Variants in FSIP1 observed in about 807,000 individuals in gnomAD.
FSIP1 encodes fibrous sheath interacting protein 1.
Under a neutral mutation model 60.9 loss-of-function variants are expected in FSIP1, and 65 were observed. The ratio of observed to expected loss-of-function variants is 1.07; its 90% CI spans 0.87 to 1.31. The LOEUF (loss-of-function observed/expected upper bound fraction) is 1.31. Among genes scored for constraint, FSIP1 ranks in the 40% most tolerant of loss-of-function variants. FSIP1 has a pLI of 0.00. For synonymous variants in FSIP1, 209 were observed against 221.2 expected (o/e 0.94, Z 0.49); for missense variants, 675 against 665.5 (o/e 1.01, Z -0.16).
In FSIP1 at chr15:39,733,640, C is replaced by T. The variant is rs114431299; in HGVS notation, c.891+4451G>A. ...GCAACATACTGAACAAATGGCTACG[C>T]GATACAGCTTGGCCGCTGAGATGCA... On this transcript the variant is annotated intron_variant, in intron 8 of 11. Coordinates refer to ENST00000350221, the MANE Select transcript of FSIP1 (RefSeq NM_152597.5). Among the ~76,000 whole-genome samples the T allele has an allele frequency of 5.8e-3, 890 of 152,244 alleles. 5 individuals carry two copies. Among genetic ancestry groups the T allele is most frequent in the South Asian group, 0.023 (112 of 4,820 alleles).
At chr15:39,765,481 C>T in intron 4 of FSIP1, 111 bp downstream of exon 4, 1 of 714,550 alleles carries the variant, frequency 1.4e-6, no homozygotes, top group Non-Finnish European at 2.2e-6. Flanking sequence ...TGGCCTCAAG[C>T]AATCCTCCTG....
chr15:39,659,402 C>T (rs955598223), intron 10 of FSIP1, among the ~76,000 whole-genome samples: 7 of 151,946 alleles, frequency 4.6e-5, no homozygotes, highest in Non-Finnish European at 1.0e-4. Context: ...ATTAGCCAGG[C>T]GTGGTGGCGG....
intron 9 of FSIP1, among the ~76,000 whole-genome samples, chr15:39,718,073 G>A (rs1895811351): frequency 1.3e-5 from 2 of 151,538 alleles, no homozygotes; most frequent in Non-Finnish European, 2.9e-5. Context: ...CCCCATCCAC[G>A]GTGGCTAGTC....
intron 10 of FSIP1, among the ~76,000 whole-genome samples, chr15:39,653,188 A>C (rs988928959): frequency 6.6e-6 from 1 of 151,430 alleles, no homozygotes; most frequent in South Asian, 2.1e-4. Flanking sequence ...AAAAAAAAAA[A>C]AAAACCCAAA....
intron 9 of FSIP1, among the ~76,000 whole-genome samples, chr15:39,716,812 C>CTT (rs72106293): frequency 0.012 from 1,282 of 110,122 alleles, 57 homozygotes; most frequent in African/African-American, 0.022. Context: ...CAGGCCATGT[C>CTT]TTTTTTTTTT....
chr15:39,609,605 T>C (rs892669031), intron 11 of FSIP1, among the ~76,000 whole-genome samples: 1 of 152,176 alleles, frequency 6.6e-6, no homozygotes, highest in Non-Finnish European at 1.5e-5. Context: ...CCTGCATCCA[T>C]GTGTTTCTCT....
chr15:39,698,855 C>T (rs1421531024), intron 10 of FSIP1, among the ~76,000 whole-genome samples: 1 of 152,196 alleles, frequency 6.6e-6, no homozygotes, highest in Non-Finnish European at 1.5e-5. Context: ...CCTACTGTAT[C>T]AGTTAGGATT....
At chr15:39,678,003 A>G (rs1207681677) in intron 10 of FSIP1, among the ~76,000 whole-genome samples, 2 of 152,136 alleles carry the variant, frequency 1.3e-5, no homozygotes, top group African/African-American at 2.4e-5. Flanking sequence ...TCAAAAAAAA[A>G]AAAAAGTCTG....
chr15:39,747,129 T>C (rs1000598677), intron 5 of FSIP1, among the ~76,000 whole-genome samples: 12 of 151,656 alleles, frequency 7.9e-5, no homozygotes, highest in Non-Finnish European at 1.3e-4. Context: ...TCTTTTCCTT[T>C]CTCCTTTATA....
chr15:39,695,953 G>GTA (rs1203329259), intron 10 of FSIP1, among the ~76,000 whole-genome samples: 1 of 152,216 alleles, frequency 6.6e-6, no homozygotes, highest in African/African-American at 2.4e-5. Context: ...AACTTCAAAG[G>GTA]TAGTAGCAGG....
chr15:39,737,278 T>C (rs1368323776), intron 8 of FSIP1, among the ~76,000 whole-genome samples: 1 of 152,096 alleles, frequency 6.6e-6, no homozygotes, highest in Admixed American at 6.5e-5. Flanking sequence ...CCCCATTACA[T>C]GCTGTTCCCC....
At chr15:39,724,597 C>A (rs1896118208) in intron 9 of FSIP1, among the ~76,000 whole-genome samples, 1 of 152,206 alleles carries the variant, frequency 6.6e-6, no homozygotes, top group South Asian at 2.1e-4. Context: ...AAACAAATCT[C>A]TGAATTCTCT....
intron 10 of FSIP1, among the ~76,000 whole-genome samples, chr15:39,692,603 G>C (rs2140507154): frequency 6.6e-6 from 1 of 152,256 alleles, no homozygotes; most frequent in South Asian, 2.1e-4. Context: ...TCAATTTAAG[G>C]ACCAGTTACA....
At chr15:39,726,805 C>A (rs1896217240) in intron 8 of FSIP1, 58 bp from the exon 9 acceptor site, 1 of 1,450,350 alleles carries the variant, frequency 6.9e-7, no homozygotes, top group Non-Finnish European at 9.5e-7. Context: ...CCAAAATATA[C>A]CTTTCAAGTG....
intron 10 of FSIP1, among the ~76,000 whole-genome samples, chr15:39,675,873 A>G (rs564419785): frequency 7.4e-4 from 112 of 152,152 alleles, no homozygotes; most frequent in African/African-American, 2.6e-3. Flanking sequence ...CTCATTATTT[A>G]TTAGGAATAG....
chr15:39,726,873 A>ACACACACACC, intron 8 of FSIP1, 126 bp from the exon 9 acceptor site: 1 of 568,668 alleles, frequency 1.8e-6, no homozygotes, highest in Non-Finnish European at 2.9e-6. Context: ...ACACACACAC[A>ACACACACACC]ACACACACAA....
rs1555399069 is a variant in FSIP1 at position 39,763,860 on chromosome 15, T to G, written c.520A>C (p.Lys174Gln). Residue 174 changes from lysine to glutamine, a missense_variant, in exon 5 of 12, where the codon AAA becomes CAA. Physicochemically the swap from Lys to Gln is moderately conservative, Grantham distance 53. Transcript: ENST00000350221. ...GAAACAGCAGTCAAAGATAAAAATT[T>G]TTTTGTATTTTCCATCTCCTCTTTA... ...QSKEEMENTK[K>Q]FLSLTAVSEE... The G allele has an allele frequency of 6.2e-7, 1 of 1,601,330 alleles. No individual in the cohort carries two copies. The highest frequency in any genetic ancestry group is 1.1e-5 in the South Asian group (1 of 90,586).
chr15:39,742,300 G>A (rs893558199), intron 5 of FSIP1, among the ~76,000 whole-genome samples: 1 of 152,134 alleles, frequency 6.6e-6, no homozygotes, highest in African/African-American at 2.4e-5. Flanking sequence ...CCCCAAGGTG[G>A]AGACTTCAAA....
Position 39,772,612 on chromosome 15 carries a change from G to T in FSIP1, c.127-2002C>A, listed in dbSNP as rs561910791. 2.7e-5 allele frequency among the ~76,000 whole-genome samples: 4 copies of T among 145,734 alleles called. No homozygotes were observed. In the East Asian group the frequency reaches 6.1e-4, roughly 22 times the overall value. On this transcript the variant is annotated intron_variant, in intron 2 of 11. Coordinates refer to ENST00000350221, the MANE Select transcript of FSIP1 (RefSeq NM_152597.5). ...GCCCAGCCTATTTTTATTTTTTGAG[G>T]TGGTGTCTCACTCTGTCGCTCAGGC...
Sources: allele counts gnomAD v4.1 joint callset (sites outside exome capture counted in the v4.1 genomes callset), GRCh38; gene constraint gnomAD v4.1.1; transcripts MANE v1.5; gene names NCBI Gene and HGNC (gene_info 2026-07-23, HGNC 2026-07-21).